Variants in FSTL4 observed in about 807,000 individuals in gnomAD.
The protein encoded by FSTL4 is follistatin like 4.
Under a neutral mutation model 78.2 loss-of-function variants are expected in FSTL4, and 28 were observed. The observed-to-expected ratio is 0.36, with a 90% CI of 0.27 to 0.49. The LOEUF (loss-of-function observed/expected upper bound fraction) is 0.49, where lower values mean the gene tolerates loss of function less well. FSTL4 is among the 20% of genes least tolerant of loss of function. The pLI, the probability that FSTL4 is intolerant of heterozygous loss-of-function variation, is 0.98. For missense variants in FSTL4, 922 were observed against 1,084.9 expected (o/e 0.85, Z 2.11); for synonymous variants, 422 against 440.5 (o/e 0.96, Z 0.53).
At chr5:133,449,431 C>T (rs113933637) in intron 3 of FSTL4, among the ~76,000 whole-genome samples, 3,101 of 150,524 alleles carry the variant, frequency 0.021, 99 homozygotes, top group African/African-American at 0.072. Flanking sequence ...GCTAGCAAGG[C>T]CAAGGTAAAC....
the FSTL4 span, among the ~76,000 whole-genome samples, chr5:133,661,707 A>G: frequency 5.9e-5 from 9 of 152,232 alleles, no homozygotes; most frequent in Admixed American, 1.3e-4. Context: ...ATAATACCCA[A>G]TCTACAGTAT....
intron 3 of FSTL4, among the ~76,000 whole-genome samples, chr5:133,470,582 T>C (rs923828282): frequency 6.6e-6 from 1 of 151,892 alleles, no homozygotes; most frequent in Admixed American, 6.6e-5. Context: ...CCGTCTCTAC[T>C]AAAAATACAA....
intron 2 of FSTL4, among the ~76,000 whole-genome samples, chr5:133,582,832 T>C (rs1760450732): frequency 6.6e-6 from 1 of 152,170 alleles, no homozygotes; most frequent in African/African-American, 2.4e-5. Flanking sequence ...CTGGGCCCTG[T>C]ATGTCCCTGG....
intron 3 of FSTL4, among the ~76,000 whole-genome samples, chr5:133,494,116 G>A (rs531678681): frequency 4.0e-4 from 61 of 152,234 alleles, no homozygotes; most frequent in Non-Finnish European, 8.1e-4. Flanking sequence ...CTGTGAGGTA[G>A]GTATTATTAT....
At chr5:133,473,954 C>A (rs1420488192) in intron 3 of FSTL4, among the ~76,000 whole-genome samples, 1 of 152,136 alleles carries the variant, frequency 6.6e-6, no homozygotes, top group East Asian at 1.9e-4. Flanking sequence ...AGGTCCCTCC[C>A]CCAATACATG....
intron 3 of FSTL4, among the ~76,000 whole-genome samples, chr5:133,527,503 C>T (rs2112904983): frequency 7.3e-6 from 1 of 136,920 alleles, no homozygotes; most frequent in Admixed American, 7.7e-5. Context: ...ACACACACAC[C>T]CATAAGTGCA....
At chr5:133,803,646 T>C in the FSTL4 span, among the ~76,000 whole-genome samples, 3 of 152,060 alleles carry the variant, frequency 2.0e-5, no homozygotes, top group Non-Finnish European at 4.4e-5. Flanking sequence ...CTGGGTGGAG[T>C]AGGGATGCTC....
At chr5:133,423,944 A>G (rs1247802579) in intron 3 of FSTL4, among the ~76,000 whole-genome samples, 3 of 152,170 alleles carry the variant, frequency 2.0e-5, no homozygotes. Flanking sequence ...CCCAGCATGG[A>G]GCTGAGGAAC....
chr5:133,497,438 T>C (rs1259701298), intron 3 of FSTL4, among the ~76,000 whole-genome samples: 5 of 152,240 alleles, frequency 3.3e-5, no homozygotes, highest in Admixed American at 2.0e-4. Flanking sequence ...GTGGTAGCCA[T>C]AGCTGCTGAG....
At chr5:133,432,316 G>A (rs1043503376) in intron 3 of FSTL4, among the ~76,000 whole-genome samples, 1 of 152,188 alleles carries the variant, frequency 6.6e-6, no homozygotes, top group South Asian at 2.1e-4. Context: ...TTAGCTAATG[G>A]AGAGAAATTC....
intron 3 of FSTL4, among the ~76,000 whole-genome samples, chr5:133,457,224 G>A (rs566634961): frequency 1.2e-4 from 19 of 152,096 alleles, no homozygotes; most frequent in Non-Finnish European, 2.5e-4. Flanking sequence ...ATTTTAACTC[G>A]GTTGCAAAAT....
chr5:133,199,575 G>T lies in FSTL4; in HGVS notation c.2049C>A (p.Gly683=). 1 of 1,614,102 alleles carries T rather than the reference G, an allele frequency of 6.2e-7. No homozygotes were observed. The highest frequency in any genetic ancestry group is 8.5e-7 in the Non-Finnish European group (1 of 1,179,964). ...LVDSVTDSVL[G]PNGDVTGTPH... ...GGGTGCCTGTTACATCACCATTGGG[G>T]CCAAGCACAGAGTCTGTGACACTGT... Residue 683 remains glycine, a synonymous_variant, in exon 16 of 16, where the codon GGC becomes GGA. Transcript: ENST00000265342. This position sits in a 1 kb window ranked among gnomAD's most constrained non-coding sequence, Gnocchi z 4.4.
chr5:133,664,621 C>T, the FSTL4 span, among the ~76,000 whole-genome samples: 1 of 152,216 alleles, frequency 6.6e-6, no homozygotes, highest in Non-Finnish European at 1.5e-5. Context: ...CACTGTGCTT[C>T]CTGGCCCAGA....
intron 4 of FSTL4, among the ~76,000 whole-genome samples, chr5:133,366,758 C>T (rs1013551096): frequency 6.6e-6 from 1 of 151,662 alleles, no homozygotes; most frequent in East Asian, 2.0e-4. Context: ...AAGATGGAAG[C>T]GTCTCACACA....
chr5:133,305,937 C>T (rs1362428157), intron 6 of FSTL4, among the ~76,000 whole-genome samples: 6 of 152,222 alleles, frequency 3.9e-5, no homozygotes, highest in African/African-American at 4.8e-5. Context: ...GCTCACCCTG[C>T]TTTCAGAGAG....
chr5:133,729,456 T>C, the FSTL4 span, among the ~76,000 whole-genome samples: 1 of 152,188 alleles, frequency 6.6e-6, no homozygotes, highest in Non-Finnish European at 1.5e-5. Flanking sequence ...GCATATGGAA[T>C]TTTAGCACAG....
At chr5:133,512,447 A>C (rs2112889019) in intron 3 of FSTL4, among the ~76,000 whole-genome samples, 1 of 152,328 alleles carries the variant, frequency 6.6e-6, no homozygotes, top group Non-Finnish European at 1.5e-5. Flanking sequence ...AAAATCAGCT[A>C]CTGTCCAGTG....
intron 3 of FSTL4, among the ~76,000 whole-genome samples, chr5:133,485,802 C>T (rs1014204566): frequency 1.2e-4 from 19 of 152,168 alleles, no homozygotes; most frequent in Admixed American, 1.2e-3. Context: ...TGAGGTTTGC[C>T]TCGAGTGCCT....
intron 6 of FSTL4, among the ~76,000 whole-genome samples, chr5:133,283,491 TTC>T (rs1017460658): frequency 6.6e-6 from 1 of 152,186 alleles, no homozygotes; most frequent in Non-Finnish European, 1.5e-5. Context: ...TGCTTTCCAC[TTC>T]TCTCTCTCAC....
Sources: allele counts gnomAD v4.1 joint callset (sites outside exome capture counted in the v4.1 genomes callset), GRCh38; gene constraint gnomAD v4.1.1; non-coding constraint Gnocchi (gnomAD v3.1); transcripts MANE v1.5; gene names NCBI Gene and HGNC (gene_info 2026-07-23, HGNC 2026-07-21).